UPF3A: variants seen among roughly 807,000 people sequenced by gnomAD.
UPF3A encodes the protein UPF3A regulator of nonsense mediated mRNA decay, also known as regulator of nonsense transcripts 3A.
UPF3A carries 42 observed loss-of-function variants against 53.5 expected under a neutral mutation model. That is an observed-to-expected ratio of 0.78 (90% CI 0.61 to 1.01). The LOEUF is 1.01. UPF3A is among the 50% of genes least tolerant of loss of function. UPF3A has a pLI of 0.00. For synonymous variants in UPF3A, 237 were observed against 225.3 expected, an observed-to-expected ratio of 1.05 and a Z score of -0.47; for missense variants, 575 against 598.0, an observed-to-expected ratio of 0.96 and a Z score of 0.40.
At position 114,301,961 on chromosome 13, in the gene UPF3A, G is replaced by A. The variant is rs759100983; in HGVS notation, c.1238G>A (p.Arg413Lys). 6 of 1,608,520 alleles carry A rather than the reference G, an allele frequency of 3.7e-6. No homozygotes were observed. The highest frequency in any genetic ancestry group is 3.3e-5 in the South Asian group (3 of 90,576). The change falls in exon 9 of 10, where the codon AGA (arginine) becomes AAA (lysine). Residue 413 changes from arginine to lysine, a missense_variant. Arg to Lys is a conservative substitution (Grantham distance 26). Transcript: ENST00000375299. The part of the protein sequence containing the change: ...DSGAPGEAME[R>K]LGRAQRCDDS... ...GGGGCTCCGGGGGAGGCCATGGAGA[G>A]ACTGGGAAGAGCGCAGAGGTGTGAC...
intron 3 of UPF3A, chr13:114,283,744 C>G (rs891632217): frequency 3.6e-5 from 35 of 985,218 alleles, no homozygotes; most frequent in Non-Finnish European, 4.0e-5. Flanking sequence ...ATCAGTACTT[C>G]TAGGGTTCTG....
chr13:114,295,101 G>C (rs1474477760), intron 7 of UPF3A, among the ~76,000 whole-genome samples: 2 of 140,668 alleles, frequency 1.4e-5, no homozygotes, highest in African/African-American at 2.9e-5. Context: ...GACAGAGCAA[G>C]ACTCCGTCTC....
At chr13:114,305,809 GTACTGAAATA>G (rs1456321387) in exon 10 of UPF3A, 1 of 152,118 alleles carries the variant, frequency 6.6e-6, no homozygotes, top group Non-Finnish European at 1.5e-5. Context: ...TGTTAAAGAA[GTACTGAAATA>G]TTCTTTGAAT....
rs2085280175 is a variant in UPF3A at position 114,291,671 on chromosome 13, G to C, written c.725G>C (p.Arg242Thr). ...REEKREERRR[R>T]ELEKKRLREE... ...GAGAAGCGAGAAGAACGGAGGAGGA[G>C]AGAGTTAGAAAAGAAACGTTTGCGG... The change falls in exon 7 of 10, where the codon AGA becomes ACA. Residue 242 changes from arginine (R) to threonine (T), a missense_variant. Transcript: ENST00000375299. 1 of 1,607,976 alleles carries C rather than the reference G, an allele frequency of 6.2e-7. No homozygotes were observed. Among genetic ancestry groups the C allele is most frequent in the Non-Finnish European group, 8.5e-7 (1 of 1,178,250 alleles).
Position 114,305,050 on chromosome 13 carries a change from T to C in UPF3A, c.*133T>C, listed in dbSNP as rs2086916832. 1.6e-6 allele frequency: 2 copies of C among 1,224,898 alleles called. No homozygotes were observed. The highest frequency in any genetic ancestry group is 2.1e-5 in the Admixed American group (1 of 48,770). The allele number at this position is 1,224,898 out of a possible 1,614,324, so 75.9% of individuals were successfully genotyped here. A position where few individuals can be genotyped will look rare whatever the true frequency, so the allele number is the denominator to read the frequency against. On this transcript the variant is annotated 3_prime_UTR_variant, in exon 10 of 10. Coordinates refer to ENST00000375299, the MANE Select transcript of UPF3A (RefSeq NM_023011.4). ...GAAGCTAAAAATACAGAGGGTGACGTAGAAACACGCAGAAACCATTCTAAA... is the reference window on the plus strand; with the variant it reads ...GAAGCTAAAAATACAGAGGGTGACGCAGAAACACGCAGAAACCATTCTAAA...
At chr13:114,294,111 C>G (rs1594800172) in intron 7 of UPF3A, among the ~76,000 whole-genome samples, 1 of 152,108 alleles carries the variant, frequency 6.6e-6, no homozygotes, top group Non-Finnish European at 1.5e-5. Context: ...AGTATCTGTG[C>G]TCAGTATGGG....
At chr13:114,298,700 AT>A in intron 7 of UPF3A, 139 bp from the exon 8 acceptor site, 1 of 881,808 alleles carries the variant, frequency 1.1e-6, no homozygotes, top group Non-Finnish European at 1.6e-6. Flanking sequence ...CAAAAACCTC[AT>A]TTTTGGACCT....
chr13:114,298,782 C>T, intron 7 of UPF3A, 58 bp from the exon 8 acceptor site: 6 of 1,363,792 alleles, frequency 4.4e-6, no homozygotes, highest in East Asian at 2.7e-5. Flanking sequence ...ATTTATTTAA[C>T]AGCTTCTTTT....
At chr13:114,303,814 A>G (rs2086806748) in intron 9 of UPF3A, among the ~76,000 whole-genome samples, 1 of 152,188 alleles carries the variant, frequency 6.6e-6, no homozygotes, top group Non-Finnish European at 1.5e-5. Context: ...AAACAGAGCT[A>G]TGCGTGCTGG....
chr13:114,284,534 TAAAAA>T (rs535271853), intron 3 of UPF3A, among the ~76,000 whole-genome samples: 3,625 of 126,560 alleles, frequency 0.029, 150 homozygotes, highest in African/African-American at 0.1. Flanking sequence ...CTGTCTCTAC[TAAAAA>T]AAAAAAAAAA....
At chr13:114,286,914 C>G (rs1056680375) in intron 5 of UPF3A, 3 of 314,384 alleles carry the variant, frequency 9.5e-6, no homozygotes, top group Admixed American at 4.6e-5. Flanking sequence ...ATGGTCTGTT[C>G]CTGAGCGTCA....
intron 5 of UPF3A, 92 bp from the exon 6 acceptor site, chr13:114,291,397 C>A (rs776754215): frequency 2.5e-6 from 3 of 1,210,404 alleles, no homozygotes; most frequent in Admixed American, 5.4e-5. Flanking sequence ...ATATGGTTCC[C>A]GTATTTATTT....
chr13:114,303,183 A>C (rs1422986246), intron 9 of UPF3A, among the ~76,000 whole-genome samples: 1 of 152,156 alleles, frequency 6.6e-6, no homozygotes, highest in Non-Finnish European at 1.5e-5. Context: ...CACCTCTAGA[A>C]TACTCCAGTT....
At chr13:114,287,187 G>C (rs1388936937) in intron 5 of UPF3A, 1 of 153,016 alleles carries the variant, frequency 6.5e-6, no homozygotes, top group Non-Finnish European at 1.5e-5. Context: ...CTTCCCAGTA[G>C]CACCAACATG....
At chr13:114,295,018 A>G (rs2085725569) in intron 7 of UPF3A, among the ~76,000 whole-genome samples, 1 of 151,098 alleles carries the variant, frequency 6.6e-6, no homozygotes, top group Non-Finnish European at 1.5e-5. Flanking sequence ...AGGCTGAGGC[A>G]GGAGAATGGC....
chr13:114,301,009 C>T lies in UPF3A; in HGVS notation c.1008-722C>T, dbSNP rs2086559234. Among the ~76,000 whole-genome samples the T allele has an allele frequency of 4.8e-5, 7 of 146,006 alleles. 2 individuals carry two copies. The South Asian group carries it at 1.5e-3, about 30-fold the overall frequency. ...TATTTTCAGTAGAGAGGGGGCTTCA[C>T]CATGTTGACCAGGCTGGTCTCCAAC... On this transcript the variant is annotated intron_variant, in intron 8 of 9. Transcript: ENST00000375299.
chr13:114,291,474 AT>A lies in UPF3A; in HGVS notation c.632-10del, dbSNP rs747049544. The A allele has an allele frequency of 3.1e-6, 5 of 1,587,732 alleles. No homozygotes were observed. The highest frequency in any genetic ancestry group is 4.3e-6 in the Non-Finnish European group (5 of 1,168,312). ...TTTAGGAGTTAAATACAATATTACA[AT>A]TTTTGTGTTTTAGCTAGAAGAACCA... On this transcript the variant is annotated splice_polypyrimidine_tract_variant and intron_variant, in intron 5 of 9. Transcript: ENST00000375299.
intron 3 of UPF3A, chr13:114,283,910 C>T: frequency 1.0e-6 from 1 of 985,326 alleles, no homozygotes; most frequent in Non-Finnish European, 1.2e-6. Context: ...TGAGTGTTTT[C>T]TTTTTCTCCA....
chr13:114,298,100 G>A (rs867911937), intron 7 of UPF3A, among the ~76,000 whole-genome samples: 1 of 152,166 alleles, frequency 6.6e-6, no homozygotes. Context: ...GGCTGGGCAC[G>A]GTGGCTCACG....
Sources: allele counts gnomAD v4.1 joint callset (sites outside exome capture counted in the v4.1 genomes callset), GRCh38; gene constraint gnomAD v4.1.1; transcripts MANE v1.5; gene names NCBI Gene and HGNC (gene_info 2026-07-23, HGNC 2026-07-21).